The following CPS1 variants were observed in gnomAD, a reference collection of about 807,000 sequenced individuals.
CPS1 encodes the protein carbamoyl-phosphate synthase 1.
A neutral mutation model predicts 174.6 loss-of-function variants in CPS1; 109 were observed. That is an observed-to-expected ratio of 0.62 (90% confidence interval 0.53 to 0.73). The LOEUF is 0.73. CPS1 is among the 30% of genes least tolerant of loss of function. CPS1 has a pLI of 0.00. For missense variants in CPS1, 1,689 were observed against 1,821.9 expected, an observed-to-expected ratio of 0.93 and a Z score of 1.33; for synonymous variants, 637 against 632.0, an observed-to-expected ratio of 1.01 and a Z score of -0.12.
chr2:210,613,254 T>A (rs1428508601), intron 20 of CPS1, among the ~76,000 whole-genome samples: 1 of 151,958 alleles, frequency 6.6e-6, no homozygotes, highest in African/African-American at 2.4e-5. Context: ...TATGTCCATA[T>A]TTTGAGTCCT....
At chr2:210,507,755 C>G (rs536874622) in intron 1 of CPS1, among the ~76,000 whole-genome samples, 1 of 152,102 alleles carries the variant, frequency 6.6e-6, no homozygotes, top group African/African-American at 2.4e-5. Flanking sequence ...AGACTTTAAA[C>G]CAACAAAGAT....
intron 1 of CPS1, among the ~76,000 whole-genome samples, chr2:210,492,923 G>A (rs887003301): frequency 6.6e-6 from 1 of 151,972 alleles, no homozygotes; most frequent in Non-Finnish European, 1.5e-5. Context: ...TATAGCGGCT[G>A]GGCTAATAAT....
intron 1 of CPS1, among the ~76,000 whole-genome samples, chr2:210,544,851 A>G (rs566757108): frequency 1.6e-4 from 24 of 152,176 alleles, no homozygotes; most frequent in African/African-American, 5.8e-4. Flanking sequence ...TTACTGAGGA[A>G]ATACGTTGAC....
intron 24 of CPS1, among the ~76,000 whole-genome samples, chr2:210,642,233 G>A (rs1425384127): frequency 6.6e-6 from 1 of 152,108 alleles, no homozygotes; most frequent in African/African-American, 2.4e-5. Flanking sequence ...CAAATATTGA[G>A]ATTTTCTATT....
intron 13 of CPS1, among the ~76,000 whole-genome samples, chr2:210,597,686 T>C (rs1453714356): frequency 6.6e-6 from 1 of 151,846 alleles, no homozygotes; most frequent in Non-Finnish European, 1.5e-5. Flanking sequence ...ACCATCTGGC[T>C]GTATGTTATA....
In CPS1 at chr2:210,535,463, A is replaced by G. The variant is rs565169699; in HGVS notation, c.4-21256A>G. Among the ~76,000 whole-genome samples, 5 of 152,336 alleles carry G rather than the reference A, an allele frequency of 3.3e-5. No homozygotes were observed. The South Asian group carries it at 6.2e-4, about 19-fold the overall frequency. On this transcript the variant is annotated intron_variant, in intron 1 of 38. Coordinates refer to the CPS1 transcript ENST00000430249. Reference sequence around the variant, plus strand: ...TCATCCCTTCTTTAAGTTTTATACTATAAATGCTATGCTGAATCATTTGAG... The same window carrying G: ...TCATCCCTTCTTTAAGTTTTATACTGTAAATGCTATGCTGAATCATTTGAG...
intron 1 of CPS1, among the ~76,000 whole-genome samples, chr2:210,480,272 C>T (rs1694524884): frequency 6.6e-6 from 1 of 152,110 alleles, no homozygotes; most frequent in Non-Finnish European, 1.5e-5. Context: ...TTGTCACTTC[C>T]CTCGTGTTCT....
chr2:210,537,348 A>G (rs1696283517), intron 1 of CPS1, among the ~76,000 whole-genome samples: 1 of 152,202 alleles, frequency 6.6e-6, no homozygotes, highest in Non-Finnish European at 1.5e-5. Flanking sequence ...GAGGAATGAC[A>G]GTTGTGTAAT....
chr2:210,561,485 C>A (rs773714560), intron 1 of CPS1, among the ~76,000 whole-genome samples: 1 of 152,172 alleles, frequency 6.6e-6, no homozygotes, highest in Non-Finnish European at 1.5e-5. Context: ...GGAGACTATT[C>A]CTCTGCCTTT....
chr2:210,600,298 A>T (rs898540580), intron 14 of CPS1, among the ~76,000 whole-genome samples: 1 of 151,906 alleles, frequency 6.6e-6, no homozygotes, highest in Non-Finnish European at 1.5e-5. Flanking sequence ...GCTCAGTATA[A>T]TACTATGACT....
chr2:210,566,310 C>G lies in CPS1; in HGVS notation c.127-6988C>G, dbSNP rs530776304. Among the ~76,000 whole-genome samples, 5 of 152,226 alleles carry G rather than the reference C, an allele frequency of 3.3e-5. No homozygotes were observed. The East Asian group carries it at 9.7e-4, about 29-fold the overall frequency. On this transcript the variant is annotated intron_variant, in intron 1 of 37. Coordinates refer to ENST00000233072, the MANE Select transcript of CPS1 (RefSeq NM_001875.5). ...CTGAGAGGTGGATCTCCTTATTCAT[C>G]ACAGCATCTAGGGTTCCAACAATCT...
chr2:210,554,194 T>C (rs199521049), upstream of CPS1, among the ~76,000 whole-genome samples: 1,904 of 94,806 alleles, frequency 0.02, 147 homozygotes, highest in African/African-American at 0.075. Flanking sequence ...CACACACACA[T>C]ATATATATGT....
In CPS1 at chr2:210,588,063, C is replaced by T. The variant is rs745365017; in HGVS notation, c.627C>T (p.Val209=). The T allele has an allele frequency of 1.2e-6, 2 of 1,612,848 alleles. No individual in the cohort carries two copies. The highest frequency in any genetic ancestry group is 2.2e-5 in the South Asian group (2 of 91,058). The change falls in exon 7 of 38, where the codon GTC becomes GTT. Residue 209 remains valine, a synonymous_variant. Coordinates refer to ENST00000233072, the MANE Select transcript of CPS1 (RefSeq NM_001875.5). ...NLIAEVSTKD[V]KVYGKGNPTK... ...TCTGGTTTTTAAAATGGCAGGATGTCAAAGTGTACGGCAAAGGAAACCCCA... is the reference window on the plus strand; with the variant it reads ...TCTGGTTTTTAAAATGGCAGGATGTTAAAGTGTACGGCAAAGGAAACCCCA...
intron 33 of CPS1, among the ~76,000 whole-genome samples, chr2:210,666,052 A>T (rs1358421857): frequency 1.2e-3 from 183 of 151,240 alleles, no homozygotes; most frequent in South Asian, 8.7e-3. Context: ...ATTGTGGTTT[A>T]GATTTGCATT....
intron 6 of CPS1, 140 bp from the exon 7 acceptor site, chr2:210,587,918 T>A (rs1207391858): frequency 1.0e-5 from 8 of 803,694 alleles, no homozygotes; most frequent in Non-Finnish European, 1.3e-5. Context: ...AACTGTTTGT[T>A]AACTGCCAGT....
At chr2:210,590,561 G>A (rs1698260297) in intron 8 of CPS1, among the ~76,000 whole-genome samples, 1 of 151,998 alleles carries the variant, frequency 6.6e-6, no homozygotes, top group South Asian at 2.1e-4. Flanking sequence ...GGACCCATAA[G>A]ACCTGCAGGT....
chr2:210,546,291 T>G (rs1347304041), intron 1 of CPS1, among the ~76,000 whole-genome samples: 1 of 152,090 alleles, frequency 6.6e-6, no homozygotes, highest in Admixed American at 6.6e-5. Context: ...TTTGTCGATA[T>G]TAAACAGAGA....
intron 21 of CPS1, among the ~76,000 whole-genome samples, chr2:210,636,962 G>A (rs1700058867): frequency 6.6e-6 from 1 of 152,234 alleles, no homozygotes; most frequent in Admixed American, 6.5e-5. Flanking sequence ...ACAGATGGGT[G>A]ATATTAGTAA....
chr2:210,621,615 T>C (rs1392477510), intron 21 of CPS1, among the ~76,000 whole-genome samples: 3 of 152,108 alleles, frequency 2.0e-5, no homozygotes, highest in Non-Finnish European at 2.9e-5. Flanking sequence ...AAATCTCACC[T>C]ATAGTTCTTT....
Sources: allele counts gnomAD v4.1 joint callset (sites outside exome capture counted in the v4.1 genomes callset), GRCh38; gene constraint gnomAD v4.1.1; transcripts MANE v1.5; gene names NCBI Gene and HGNC (gene_info 2026-07-23, HGNC 2026-07-21).